ASB3: variants seen among roughly 807,000 people sequenced by gnomAD.
The protein encoded by ASB3 is ankyrin repeat and SOCS box protein 3.
ASB3 carries 41 observed loss-of-function variants against 54.5 expected under a neutral mutation model. The observed-to-expected ratio is 0.75, with a 90% CI of 0.59 to 0.98. The LOEUF (loss-of-function observed/expected upper bound fraction) is 0.98, where lower values mean the gene tolerates loss of function less well. Among genes scored for constraint, ASB3 ranks in the 50% least tolerant of loss-of-function variants. The pLI is 0.00. For synonymous variants in ASB3, 266 were observed against 221.2 expected (o/e 1.20, Z -1.80); for missense variants, 733 against 620.0 (o/e 1.18, Z -1.94).
intron 3 of ASB3, among the ~76,000 whole-genome samples, 196 bp downstream of exon 3, chr2:53,750,587 T>A (rs972133124): frequency 2.6e-5 from 4 of 152,130 alleles, no homozygotes; most frequent in Non-Finnish European, 5.9e-5. Context: ...TCCCAGAAGC[T>A]ACCACCCAAG....
At chr2:53,742,994 C>T (rs1191618386) in intron 3 of ASB3, among the ~76,000 whole-genome samples, 2 of 152,044 alleles carry the variant, frequency 1.3e-5, no homozygotes, top group Non-Finnish European at 2.9e-5. Context: ...AAAGTATTGT[C>T]ACAAAAAGAG....
At chr2:53,678,038 G>A (rs1668173383) in intron 9 of ASB3, among the ~76,000 whole-genome samples, 1 of 151,986 alleles carries the variant, frequency 6.6e-6, no homozygotes, top group Non-Finnish European at 1.5e-5. Flanking sequence ...AGTGTACAAT[G>A]TGATGTTTTG....
chr2:53,701,616 C>T (rs1669499707), intron 7 of ASB3, among the ~76,000 whole-genome samples: 1 of 152,054 alleles, frequency 6.6e-6, no homozygotes, highest in Admixed American at 6.5e-5. Context: ...AAATACTCTC[C>T]AGTGAAAAAA....
At chr2:53,678,714 G>A (rs1321008411) in intron 9 of ASB3, among the ~76,000 whole-genome samples, 1 of 152,146 alleles carries the variant, frequency 6.6e-6, no homozygotes, top group East Asian at 1.9e-4. Context: ...AAGTCCTCGG[G>A]AATCCCCATT....
intron 1 of ASB3, among the ~76,000 whole-genome samples, chr2:53,778,008 G>A (rs1243407491): frequency 2.0e-5 from 3 of 152,044 alleles, no homozygotes; most frequent in Non-Finnish European, 4.4e-5. Flanking sequence ...AATTAGCCAG[G>A]TGTGGTGGCG....
At chr2:53,756,204 G>C (rs187120217) in intron 2 of ASB3, among the ~76,000 whole-genome samples, 5 of 152,026 alleles carry the variant, frequency 3.3e-5, no homozygotes, top group Admixed American at 6.5e-5. Context: ...TAAAAATAAG[G>C]TAAGTCTAGA....
chr2:53,780,134 A>T (rs916999622), intron 1 of ASB3, among the ~76,000 whole-genome samples: 4 of 152,226 alleles, frequency 2.6e-5, no homozygotes, highest in Non-Finnish European at 5.9e-5. Flanking sequence ...TACCTAAAAT[A>T]TGAAACTGAG....
At chr2:53,749,800 A>T (rs144872630) in intron 3 of ASB3, among the ~76,000 whole-genome samples, 2 of 152,162 alleles carry the variant, frequency 1.3e-5, no homozygotes, top group African/African-American at 2.4e-5. Flanking sequence ...ATTGATTAAA[A>T]ATTGGCAGCA....
chr2:53,671,095 C>A (rs564724727), intron 9 of ASB3, among the ~76,000 whole-genome samples: 1 of 152,180 alleles, frequency 6.6e-6, no homozygotes, highest in Non-Finnish European at 1.5e-5. Context: ...AATAGATGTA[C>A]AGCTTGCAAG....
intron 3 of ASB3, among the ~76,000 whole-genome samples, chr2:53,739,744 C>T (rs972214203): frequency 5.3e-5 from 8 of 152,258 alleles, no homozygotes; most frequent in East Asian, 1.9e-4. Flanking sequence ...GGCACATTCA[C>T]GGCTCACTGC....
chr2:53,684,612 T>C lies in ASB3; in HGVS notation c.1369+9272A>G, dbSNP rs148645592. 2.1e-4 allele frequency among the ~76,000 whole-genome samples: 32 copies of C among 152,300 alleles called. No homozygotes were observed. In the East Asian group the frequency reaches 6.2e-3, roughly 29 times the overall value. The stretch of plus-strand genomic sequence containing the variant: ...TTCAAACACTTTTGGATTTAGCCAG[T>C]TTATCCTCGGTAGTCCCACTGTCTT... On this transcript the variant is annotated intron_variant, in intron 9 of 9. Transcript: ENST00000263634.
chr2:53,697,724 C>A (rs112941783), intron 8 of ASB3, among the ~76,000 whole-genome samples: 36 of 152,278 alleles, frequency 2.4e-4, no homozygotes, highest in African/African-American at 8.4e-4. Flanking sequence ...CCAAGTAAGT[C>A]CAAAATTCAA....
At chr2:53,776,010 A>C (rs1674313346) in intron 1 of ASB3, among the ~76,000 whole-genome samples, 1 of 152,224 alleles carries the variant, frequency 6.6e-6, no homozygotes, top group Admixed American at 6.5e-5. Flanking sequence ...TCCTGATTAT[A>C]GGTTATTTCT....
chr2:53,707,719 T>C (rs1410700614), intron 7 of ASB3, among the ~76,000 whole-genome samples: 1 of 150,538 alleles, frequency 6.6e-6, no homozygotes, highest in Non-Finnish European at 1.5e-5. Flanking sequence ...CCAACACTTT[T>C]GGGAGGTGAA....
At chr2:53,773,520 AC>A (rs1294949372) in intron 1 of ASB3, among the ~76,000 whole-genome samples, 4 of 151,724 alleles carry the variant, frequency 2.6e-5, no homozygotes, top group African/African-American at 9.7e-5. Context: ...CACCTCTGCC[AC>A]CCGGGTTCAA....
intron 8 of ASB3, among the ~76,000 whole-genome samples, chr2:53,700,030 T>C (rs1015208570): frequency 1.3e-5 from 2 of 152,122 alleles, no homozygotes; most frequent in African/African-American, 2.4e-5. Context: ...ATATCCCTCT[T>C]AGAAGAGCTC....
intron 9 of ASB3, among the ~76,000 whole-genome samples, chr2:53,680,212 C>T (rs750749831): frequency 6.6e-6 from 1 of 152,114 alleles, no homozygotes; most frequent in Non-Finnish European, 1.5e-5. Flanking sequence ...CATATGTGTA[C>T]ATGTGTCTTT....
intron 6 of ASB3, 149 bp from the exon 7 acceptor site, chr2:53,714,730 T>C (rs2103836524): frequency 2.7e-6 from 2 of 735,506 alleles, no homozygotes; most frequent in South Asian, 3.8e-5. Flanking sequence ...CCAACAACAT[T>C]AAACTATTAC....
intron 7 of ASB3, among the ~76,000 whole-genome samples, chr2:53,708,166 A>G (rs1176303947): frequency 1.3e-5 from 2 of 152,044 alleles, no homozygotes; most frequent in Non-Finnish European, 2.9e-5. Context: ...TAAATGGTTT[A>G]GCACCATCCC....
Sources: gnomAD v4.1 joint callset for allele counts (sites outside exome capture counted in the v4.1 genomes callset) on GRCh38, gnomAD v4.1.1 for gene constraint, MANE v1.5 for transcripts, NCBI Gene and HGNC (gene_info 2026-07-23, HGNC 2026-07-21) for gene names.